Variants in SULF2 observed in about 807,000 individuals in gnomAD.
SULF2 encodes extracellular sulfatase Sulf-2.
A neutral mutation model predicts 107.7 loss-of-function variants in SULF2; 52 were observed. The observed-to-expected ratio is 0.48, with a 90% CI of 0.39 to 0.61. SULF2 has a LOEUF of 0.61. Ranked by LOEUF, SULF2 falls within the 20% of genes least tolerant of loss-of-function variation. The probability of loss-of-function intolerance (pLI) is 0.00; values close to 1 mark genes in which losing one functional copy is unlikely to be tolerated. For missense variants in SULF2, 993 were observed against 1,177.3 expected, an observed-to-expected ratio of 0.84 and a Z score of 2.29; for synonymous variants, 460 against 464.3, an observed-to-expected ratio of 0.99 and a Z score of 0.12.
Position 47,664,140 on chromosome 20 carries a change from G to T in SULF2, c.2047C>A (p.His683Asn). Residue 683 changes from histidine to asparagine, a missense_variant, in exon 15 of 21, where the codon CAT becomes AAT. Transcript: ENST00000688720. ...TCAAGCTGCTCTTACCTGAAAGGAT[G>T]CAGACTGGAGCCTCTGTGCTTGAGG... ...GRLKHRGSSL[H>N]PFRKGLQEKD... The T allele has an allele frequency of 6.2e-7, 1 of 1,613,596 alleles. No homozygotes were observed. Among genetic ancestry groups the T allele is most frequent in the South Asian group, 1.1e-5 (1 of 90,916 alleles).
chr20:47,662,576 G>A (rs1420439439), intron 17 of SULF2, among the ~76,000 whole-genome samples: 1 of 152,234 alleles, frequency 6.6e-6, no homozygotes, highest in African/African-American at 2.4e-5. Flanking sequence ...ATGTTCCGAT[G>A]ACCAGACATG....
At chr20:47,671,577 G>C (rs979454477) in intron 11 of SULF2, among the ~76,000 whole-genome samples, 1 of 151,648 alleles carries the variant, frequency 6.6e-6, no homozygotes, top group Non-Finnish European at 1.5e-5. Context: ...CCCAGCCCAG[G>C]GTAGTTCTAT....
intron 2 of SULF2, among the ~76,000 whole-genome samples, chr20:47,750,592 T>C (rs955617373): frequency 1.3e-5 from 2 of 152,220 alleles, no homozygotes; most frequent in African/African-American, 2.4e-5. Flanking sequence ...AGTCTATTCT[T>C]CTAGAGGGGT....
At chr20:47,757,138 G>A (rs1403201786) in intron 2 of SULF2, 51 bp downstream of exon 2, 7 of 1,484,986 alleles carry the variant, frequency 4.7e-6, no homozygotes, top group Admixed American at 4.4e-5. Context: ...GCCTAACCCA[G>A]GGACCCTGCT....
chr20:47,769,495 G>A (rs1425893345), intron 1 of SULF2, among the ~76,000 whole-genome samples: 1 of 151,890 alleles, frequency 6.6e-6, no homozygotes, highest in African/African-American at 2.4e-5. Flanking sequence ...GCTGCACCTG[G>A]CCTGGGTTTT....
rs1324416792 is a variant in SULF2, at chr20:47,666,666, A to G, written c.1577-178T>C. 6.6e-6 allele frequency among the ~76,000 whole-genome samples: 1 copy of G among 152,118 alleles called. No homozygotes were observed. The highest frequency in any genetic ancestry group is 6.6e-5 in the Admixed American group (1 of 15,264). The stretch of plus-strand genomic sequence containing the variant: ...GCTCGCAGATCCTGGACCGCAGGGG[A>G]GGGCCTCGAGGTGATCACACCGGCA... On this transcript the variant is annotated intron_variant, in intron 11 of 20. Transcript: ENST00000688720. The surrounding 1 kb of genome is among the most constrained non-coding windows in gnomAD (Gnocchi z 5.4).
At chr20:47,661,955 T>G in intron 17 of SULF2, 59 bp from the exon 18 acceptor site, 1 of 1,402,132 alleles carries the variant, frequency 7.1e-7, no homozygotes, top group Non-Finnish European at 9.4e-7. Flanking sequence ...CGCCCTGCCC[T>G]TCTACCAACC....
chr20:47,711,167 C>T (rs1017201553), intron 3 of SULF2, among the ~76,000 whole-genome samples: 2 of 152,244 alleles, frequency 1.3e-5, no homozygotes, highest in Non-Finnish European at 2.9e-5. Context: ...ATGTCCCCGC[C>T]ATGCCGGGCC....
At chr20:47,686,851 G>A (rs1837856732) in intron 5 of SULF2, among the ~76,000 whole-genome samples, 2 of 152,158 alleles carry the variant, frequency 1.3e-5, no homozygotes, top group South Asian at 4.1e-4. Flanking sequence ...ATCCATCAGG[G>A]CCCATGCTTC....
Position 47,691,157 on chromosome 20 carries a change from G to T in SULF2, c.568-862C>A, listed in dbSNP as rs184683650. 9.8e-4 allele frequency among the ~76,000 whole-genome samples: 149 copies of T among 152,344 alleles called. 1 individual carries two copies. Among genetic ancestry groups the T allele is most frequent in the Middle Eastern group, 3.4e-3 (1 of 294 alleles). Reference sequence around the variant, plus strand: ...GGCTCTGGGGACACTGTCATGCAGGGTGGGTATATCCCTAAGTCCCTGGGG... The same window carrying T: ...GGCTCTGGGGACACTGTCATGCAGGTTGGGTATATCCCTAAGTCCCTGGGG... On this transcript the variant is annotated intron_variant, in intron 4 of 20. Coordinates refer to ENST00000688720, the MANE Select transcript of SULF2 (RefSeq NM_001387048.1).
chr20:47,730,665 G>A (rs1473001543), intron 3 of SULF2, among the ~76,000 whole-genome samples: 1 of 152,156 alleles, frequency 6.6e-6, no homozygotes, highest in African/African-American at 2.4e-5. Context: ...GGCCAGGCTA[G>A]TCTCAAACTC....
intron 1 of SULF2, among the ~76,000 whole-genome samples, chr20:47,758,886 C>A (rs2146915499): frequency 6.6e-6 from 1 of 152,282 alleles, no homozygotes; most frequent in East Asian, 1.9e-4. Context: ...TCATGGGGAA[C>A]CCCAGCCATC....
At position 47,659,680 on chromosome 20, in the gene SULF2, A is replaced by G. The variant is rs1281812484; in HGVS notation, c.2528+17T>C. On this transcript the variant is annotated intron_variant, in intron 19 of 20. Transcript: ENST00000688720. ...ATAGGAGAACTTTGTTTAGGCTTTA[A>G]TAATAAAACGAAATACCTGTATTGC... The G allele has an allele frequency of 6.2e-7, 1 of 1,607,128 alleles. No individual in the cohort carries two copies. Among genetic ancestry groups the G allele is most frequent in the African/African-American group, 1.3e-5 (1 of 74,722 alleles).
intron 1 of SULF2, among the ~76,000 whole-genome samples, chr20:47,775,293 G>A (rs529813867): frequency 4.6e-5 from 7 of 152,268 alleles, no homozygotes; most frequent in South Asian, 4.1e-4. Flanking sequence ...GCCATACTGC[G>A]AGGAAGCCCA....
At chr20:47,703,321 G>A (rs532600717) in intron 3 of SULF2, among the ~76,000 whole-genome samples, 2 of 152,346 alleles carry the variant, frequency 1.3e-5, no homozygotes, top group African/African-American at 4.8e-5. Flanking sequence ...TTCTACAGAT[G>A]ACAAAGCTAC....
chr20:47,715,843 T>A (rs1056863152), intron 3 of SULF2, among the ~76,000 whole-genome samples: 1 of 152,214 alleles, frequency 6.6e-6, no homozygotes, highest in Non-Finnish European at 1.5e-5. Flanking sequence ...CCTCCCAAAG[T>A]GCTGGGATTA....
chr20:47,663,022 C>T (rs374943416), intron 17 of SULF2, 48 bp downstream of exon 17: 20 of 1,608,464 alleles, frequency 1.2e-5, no homozygotes, highest in Non-Finnish European at 1.6e-5. Context: ...TACCTGGCAG[C>T]ACTGGTGTAC....
At position 47,690,166 on chromosome 20, in the gene SULF2, G is replaced by T; in HGVS notation, c.697C>A (p.Pro233Thr). 6.5e-7 allele frequency: 1 copy of T among 1,546,870 alleles called. No individual in the cohort carries two copies. The highest frequency in any genetic ancestry group is 2.4e-5 in the East Asian group (1 of 41,538). The change falls in exon 5 of 21, where the codon CCA (proline) becomes ACA (threonine). Residue 233 changes from proline (P) to threonine (T), a missense_variant. By Grantham distance (38) the Pro-to-Thr change is conservative. This residue lies in a region of SULF2 where 388 missense variants were observed against 449.2 expected (regional missense o/e 0.86). Transcript: ENST00000688720. The stretch of plus-strand genomic sequence containing the variant: ...TTTGGGAAGAGGCGTGAATATTGTG[G>T]GGCTGAATCCTCAGGGCCGTGGGGG... ...AAPHGPEDSAPQYSRLFPNAS... is the reference protein window; with the variant it reads ...AAPHGPEDSATQYSRLFPNAS...
chr20:47,671,207 G>C (rs115818768), intron 11 of SULF2, among the ~76,000 whole-genome samples: 24 of 152,296 alleles, frequency 1.6e-4, no homozygotes, highest in African/African-American at 5.8e-4. Flanking sequence ...TCCTCTCCTC[G>C]GCCCTTGCCG....
Sources: gnomAD v4.1 joint callset for allele counts (sites outside exome capture counted in the v4.1 genomes callset) on GRCh38, gnomAD v4.1.1 for gene constraint, gnomAD v4.1.1 regional missense constraint, Gnocchi (gnomAD v3.1) non-coding constraint, MANE v1.5 for transcripts, NCBI Gene and HGNC (gene_info 2026-07-23, HGNC 2026-07-21) for gene names.